Variants in PRPF31 observed in about 807,000 individuals in gnomAD.
PRPF31 encodes the protein U4/U6 small nuclear ribonucleoprotein Prp31.
Under a neutral mutation model 60.4 loss-of-function variants are expected in PRPF31, and 12 were observed. The ratio of observed to expected loss-of-function variants is 0.20; its 90% CI spans 0.13 to 0.32. The LOEUF (loss-of-function observed/expected upper bound fraction) is 0.32. PRPF31 is among the 10% of genes least tolerant of loss of function. The pLI is 1.00. For synonymous variants in PRPF31, 287 were observed against 287.9 expected (o/e 1.00, Z 0.03); for missense variants, 431 against 687.1 (o/e 0.63, Z 4.17).
chr19:54,131,304 C>T lies in PRPF31; in HGVS notation c.1375-3C>T. 1 of 1,613,898 alleles carries T rather than the reference C, an allele frequency of 6.2e-7. No individual in the cohort carries two copies. The highest frequency in any genetic ancestry group is 1.1e-5 in the South Asian group (1 of 91,080). ...CATCATCCTCTCTCCCTCACCTGCC[C>T]AGGGCCTGGAGATTGTGAACCCACA... On this transcript the variant is annotated splice_region_variant and splice_polypyrimidine_tract_variant and intron_variant, in intron 13 of 13. Transcript: ENST00000321030.
At chr19:54,118,151 C>T in intron 1 of PRPF31, 120 bp from the exon 2 acceptor site, 2 of 1,393,144 alleles carry the variant, frequency 1.4e-6, no homozygotes, top group South Asian at 1.2e-5. Context: ...GTCGTGGAGC[C>T]TGCATGCTAG....
At chr19:54,121,120 C>T (rs371192123) in intron 3 of PRPF31, among the ~76,000 whole-genome samples, 421 of 151,992 alleles carry the variant, frequency 2.8e-3, no homozygotes, top group Middle Eastern at 0.017. Flanking sequence ...GGTGAAACCC[C>T]GTCTCTACTA....
At chr19:54,126,649 G>A (rs766356255) in intron 9 of PRPF31, 32 bp downstream of exon 9, 38 of 1,594,700 alleles carry the variant, frequency 2.4e-5, no homozygotes, top group South Asian at 1.2e-4. Context: ...GCGGCCGGGC[G>A]TCTTTTCCTC....
chr19:54,126,250 C>T (rs587694258), intron 8 of PRPF31, among the ~76,000 whole-genome samples: 2 of 152,336 alleles, frequency 1.3e-5, no homozygotes, highest in Admixed American at 6.5e-5. Flanking sequence ...GCACTCCCCC[C>T]GGCGTCTCCA....
rs377086372 is a variant in PRPF31 at position 54,121,848 on chromosome 19, G to A, written c.239-12G>A. On this transcript the variant is annotated splice_polypyrimidine_tract_variant and intron_variant, in intron 3 of 13. Transcript: ENST00000321030. ...TTTAGATACTCACACCCATGCCTCC[G>A]TGTCCTCACAGTGATGGGACCAGTG... The A allele has an allele frequency of 5.1e-4, 811 of 1,605,450 alleles. 1 individual carries two copies. The highest frequency in any genetic ancestry group is 6.5e-4 in the Non-Finnish European group (759 of 1,176,126).
intron 11 of PRPF31, 128 bp downstream of exon 11, chr19:54,128,505 C>CG (rs2073976535): frequency 1.4e-5 from 13 of 935,878 alleles, no homozygotes; most frequent in South Asian, 7.2e-5. Context: ...CCCAGCCTCC[C>CG]CCCCCCCGGC....
At chr19:54,125,510 AC>A (rs1568593186) in intron 8 of PRPF31, among the ~76,000 whole-genome samples, 20 of 149,356 alleles carry the variant, frequency 1.3e-4, no homozygotes, top group East Asian at 1.2e-3. Context: ...AAAAAAAAAA[AC>A]AAGCAAGACA....
intron 1 of PRPF31, among the ~76,000 whole-genome samples, chr19:54,117,781 G>A (rs768368751): frequency 6.6e-6 from 1 of 152,058 alleles, no homozygotes; most frequent in East Asian, 1.9e-4. Flanking sequence ...AACCCAGGAG[G>A]TGGAGGTTGC....
intron 1 of PRPF31, 136 bp from the exon 2 acceptor site, chr19:54,118,135 C>T: frequency 8.1e-7 from 1 of 1,234,454 alleles, no homozygotes; most frequent in South Asian, 1.2e-5. Flanking sequence ...AACTAAAGCA[C>T]CTGTTGTCGT....
At position 54,128,056 on chromosome 19, in the gene PRPF31, C is replaced by T. The variant is rs1325986161; in HGVS notation, c.946-17C>T. 6 of 1,548,308 alleles carry T rather than the reference C, an allele frequency of 3.9e-6. No homozygotes were observed. Among genetic ancestry groups the T allele is most frequent in the South Asian group, 3.6e-5 (3 of 83,980 alleles). On this transcript the variant is annotated splice_polypyrimidine_tract_variant and intron_variant, in intron 9 of 13. Transcript: ENST00000321030. ...CCCACGCGAGCAGCTGCAGGACCTC[C>T]CCCTCGCCCTCCCCAGGTGGGCTAC...
intron 5 of PRPF31, 95 bp downstream of exon 5, chr19:54,122,689 CGATG>C (rs2073822316): frequency 1.0e-6 from 1 of 1,000,404 alleles, no homozygotes; most frequent in Admixed American, 1.7e-5. Context: ...GGTCTGGAGA[CGATG>C]GAGAGGAGTG....
rs201109588 is a variant in PRPF31 at position 54,126,625 on chromosome 19, G to C, written c.945+8G>C. ...GAGAGCACAGAAGGGAAGGTGAGGA[G>C]GGAAAGGTGAGGGGCGGCCGGGCGT... On this transcript the variant is annotated splice_region_variant and intron_variant, in intron 9 of 13. Transcript: ENST00000321030. 3.1e-6 allele frequency: 5 copies of C among 1,612,888 alleles called. No individual in the cohort carries two copies. The highest frequency in any genetic ancestry group is 4.2e-6 in the Non-Finnish European group (5 of 1,179,530).
chr19:54,131,673 G>A lies in PRPF31; in HGVS notation c.*241G>A. Reference sequence around the variant, plus strand: ...CTTGTCTTTTTTAACTGAGAAAGGAGATTTTTTGAAAAGAGTACAATTAAA... The same window carrying A: ...CTTGTCTTTTTTAACTGAGAAAGGAAATTTTTTGAAAAGAGTACAATTAAA... On this transcript the variant is annotated 3_prime_UTR_variant, in exon 14 of 14. Coordinates refer to ENST00000321030, the MANE Select transcript of PRPF31 (RefSeq NM_015629.4). The A allele has an allele frequency of 1.7e-6, 1 of 605,390 alleles. No individual in the cohort carries two copies. The highest frequency in any genetic ancestry group is 2.9e-5 in the Admixed American group (1 of 34,060). The allele number at this position is 605,390 out of a possible 1,614,324, so 37.5% of individuals were successfully genotyped here. A position where few individuals can be genotyped will look rare whatever the true frequency, so the allele number is the denominator to read the frequency against.
chr19:54,130,296 G>A (rs1600364994), intron 13 of PRPF31, among the ~76,000 whole-genome samples: 5 of 151,754 alleles, frequency 3.3e-5, no homozygotes, highest in East Asian at 2.0e-4. Context: ...CAGGCCGGGC[G>A]CAGACAGCTC....
chr19:54,131,375 C>T lies in PRPF31; in HGVS notation c.1443C>T (p.Ser481=), dbSNP rs767313994. 2.5e-6 allele frequency: 4 copies of T among 1,613,990 alleles called. No homozygotes were observed. In the East Asian group the frequency reaches 6.7e-5, roughly 27 times the overall value. The change falls in exon 14 of 14, where the codon TCC becomes TCT. Residue 481 remains serine, a synonymous_variant. Coordinates refer to ENST00000321030, the MANE Select transcript of PRPF31 (RefSeq NM_015629.4). ...CTGAGGCCAACCAGAAGTATTTCTC[C>T]AGCATGGCTGAGTTCCTCAAGGTCA... ...KVAEANQKYF[S]SMAEFLKVKG...
rs1352728587 is a variant in PRPF31, at chr19:54,131,632, C to T, written c.*200C>T. 3 of 706,650 alleles carry T rather than the reference C, an allele frequency of 4.2e-6. No individual in the cohort carries two copies. The highest frequency in any genetic ancestry group is 1.7e-5 in the South Asian group (1 of 57,388). The allele number at this position is 706,650 out of a possible 1,614,324, so 43.8% of individuals were successfully genotyped here. ...GATCACCGCCCAGTATGGGCTAGAGCAGGTCTTCATCATGCCTTGTCTTTT... is the reference window on the plus strand; with the variant it reads ...GATCACCGCCCAGTATGGGCTAGAGTAGGTCTTCATCATGCCTTGTCTTTT... On this transcript the variant is annotated 3_prime_UTR_variant, in exon 14 of 14. Coordinates refer to ENST00000321030, the MANE Select transcript of PRPF31 (RefSeq NM_015629.4).
chr19:54,131,346 G>A lies in PRPF31; in HGVS notation c.1414G>A (p.Val472Met), dbSNP rs1184310609. The A allele has an allele frequency of 6.2e-7, 1 of 1,614,082 alleles. No homozygotes were observed. Among genetic ancestry groups the A allele is most frequent in the South Asian group, 1.1e-5 (1 of 91,090 alleles). The change falls in exon 14 of 14, where the codon GTG becomes ATG. Residue 472 changes from valine to methionine, a missense_variant. This residue lies in a region of PRPF31 where 314 missense variants were observed against 475.3 expected (regional missense o/e 0.66). Transcript: ENST00000321030. ...IVNPQAAEKK[V>M]AEANQKYFSS... ...GAACCCACAGGCGGCAGAGAAGAAG[G>A]TGGCTGAGGCCAACCAGAAGTATTT...
chr19:54,122,008 C>T lies in PRPF31; in HGVS notation c.322+65C>T. 2.7e-6 allele frequency: 4 copies of T among 1,496,532 alleles called. No individual in the cohort carries two copies. In the South Asian group the frequency reaches 4.7e-5, roughly 18 times the overall value. 92.7% of individuals were successfully genotyped at this position (1,496,532 alleles called of 1,614,324 possible). A position where few individuals can be genotyped will look rare whatever the true frequency, so the allele number is the denominator to read the frequency against. On this transcript the variant is annotated intron_variant, in intron 4 of 13. Transcript: ENST00000321030. ...GTCCCTCACGCCCCCTCTCCCTTCC[C>T]CACTGGCCTTTCCCAGGGTCCTGCC... is the stretch of plus-strand genomic sequence containing the variant.
In PRPF31 at chr19:54,129,365, C is replaced by G. The variant is rs1371472106; in HGVS notation, c.1369C>G (p.Leu457Val). The change falls in exon 13 of 14, where the codon CTC (leucine) becomes GTC (valine). Residue 457 changes from leucine (L) to valine (V), a missense_variant. Transcript: ENST00000321030. ...GTASSVAFTP[L>V]QGLEIVNPQA... The stretch of plus-strand genomic sequence containing the variant: ...GGCCTCCAGCGTGGCCTTCACCCCA[C>G]TCCAGGTACCTCCCCTGGGCCGGCT... The G allele has an allele frequency of 1.3e-6, 2 of 1,594,842 alleles. No individual in the cohort carries two copies. Among genetic ancestry groups the G allele is most frequent in the African/African-American group, 2.7e-5 (2 of 74,252 alleles).
Sources: allele counts gnomAD v4.1 joint callset (sites outside exome capture counted in the v4.1 genomes callset), GRCh38; gene constraint gnomAD v4.1.1; regional missense constraint gnomAD v4.1.1; transcripts MANE v1.5; gene names NCBI Gene and HGNC (gene_info 2026-07-23, HGNC 2026-07-21).